The following GATAD2A variants were observed in gnomAD, a reference collection of about 807,000 sequenced individuals.
GATAD2A encodes transcriptional repressor p66-alpha.
A neutral mutation model predicts 68.5 loss-of-function variants in GATAD2A; 12 were observed. The ratio of observed to expected loss-of-function variants is 0.18; its 90% CI spans 0.11 to 0.28. GATAD2A has a LOEUF of 0.28. Among genes scored for constraint, GATAD2A ranks in the 10% least tolerant of loss-of-function variants. GATAD2A has a pLI of 1.00. For synonymous variants in GATAD2A, 410 were observed against 375.3 expected (o/e 1.09, Z -1.07); for missense variants, 755 against 868.5 (o/e 0.87, Z 1.64).
chr19:19,448,093 C>T (rs1232461470), intron 1 of GATAD2A, among the ~76,000 whole-genome samples: 1 of 152,216 alleles, frequency 6.6e-6, no homozygotes, highest in Non-Finnish European at 1.5e-5. Flanking sequence ...TCGTAGGCCA[C>T]GTAGGCTCAC....
intron 1 of GATAD2A, among the ~76,000 whole-genome samples, chr19:19,414,530 CTTTTTTTTTTTT>C (rs758728889): frequency 3.7e-4 from 26 of 70,216 alleles, no homozygotes; most frequent in Middle Eastern, 0.012. Context: ...AGGGCCTTGT[CTTTTTTTTTTTT>C]TTTTTTTTTT....
At chr19:19,498,195 A>T (rs2060276088) in intron 7 of GATAD2A, among the ~76,000 whole-genome samples, 1 of 152,242 alleles carries the variant, frequency 6.6e-6, no homozygotes, top group Admixed American at 6.5e-5. Context: ...TGTGCGGTTT[A>T]TCTGGTAAAC....
intron 1 of GATAD2A, among the ~76,000 whole-genome samples, chr19:19,424,152 G>A (rs561972992): frequency 4.6e-5 from 7 of 152,164 alleles, no homozygotes; most frequent in Middle Eastern, 3.4e-3. Context: ...TTAAACTCTT[G>A]GGCTCAAGTG....
In GATAD2A at chr19:19,506,281, C is replaced by G. The variant is rs2060863725; in HGVS notation, c.*807C>G. On this transcript the variant is annotated 3_prime_UTR_variant, in exon 12 of 12. Transcript: ENST00000683918. ...TGAAGAACAGACCCAGCCAGAGAAG[C>G]AGGGATTCCAGAAGCTGCCCATTAA... The G allele has an allele frequency of 2.5e-6, 1 of 398,080 alleles. No homozygotes were observed. The highest frequency in any genetic ancestry group is 3.6e-5 in the East Asian group (1 of 28,074). 24.7% of individuals were successfully genotyped at this position (398,080 alleles called of 1,614,324 possible).
intron 1 of GATAD2A, among the ~76,000 whole-genome samples, chr19:19,409,927 T>C (rs922425744): frequency 3.3e-5 from 5 of 152,158 alleles, no homozygotes; most frequent in African/African-American, 1.2e-4. Context: ...TGTAGGTTAG[T>C]CTTTTAGAAG....
At chr19:19,503,895 T>C (rs2060708873) in intron 11 of GATAD2A, among the ~76,000 whole-genome samples, 2 of 152,248 alleles carry the variant, frequency 1.3e-5, no homozygotes, top group South Asian at 4.1e-4. Context: ...TTCCACAAAA[T>C]GTATTAGCCA....
chr19:19,483,543 G>C (rs139112656), intron 2 of GATAD2A, among the ~76,000 whole-genome samples: 1 of 152,142 alleles, frequency 6.6e-6, no homozygotes. Context: ...TGCGGCTGGC[G>C]AGAAGCAGGT....
chr19:19,489,392 T>G (rs1197033728), intron 2 of GATAD2A, among the ~76,000 whole-genome samples: 1 of 152,302 alleles, frequency 6.6e-6, no homozygotes, highest in Admixed American at 6.5e-5. Flanking sequence ...GGTTTTCACG[T>G]TGGAAGGCAC....
intron 1 of GATAD2A, among the ~76,000 whole-genome samples, chr19:19,429,084 G>A (rs904087828): frequency 4.6e-5 from 7 of 151,552 alleles, no homozygotes; most frequent in Non-Finnish European, 1.0e-4. Flanking sequence ...ACAACTCGTG[G>A]AGGTCCCCAT....
chr19:19,410,908 T>C (rs1345532922), intron 1 of GATAD2A, among the ~76,000 whole-genome samples: 1 of 152,216 alleles, frequency 6.6e-6, no homozygotes, highest in Non-Finnish European at 1.5e-5. Context: ...GGGAGTGAGA[T>C]AACAAGTGCA....
At chr19:19,483,740 G>T (rs1487868117) in intron 2 of GATAD2A, among the ~76,000 whole-genome samples, 1 of 151,284 alleles carries the variant, frequency 6.6e-6, no homozygotes, top group South Asian at 2.1e-4. Context: ...TCAGCCTCCC[G>T]AGTAGCTGGG....
intron 1 of GATAD2A, among the ~76,000 whole-genome samples, chr19:19,460,480 C>T (rs1374379778): frequency 6.6e-6 from 1 of 152,212 alleles, no homozygotes; most frequent in East Asian, 1.9e-4. Context: ...ATGGGCCCTT[C>T]TTCCTTCCTG....
At position 19,477,494 on chromosome 19, in the gene GATAD2A, C is replaced by T. The variant is rs368541167; in HGVS notation, c.269+11880C>T. 2.1e-4 allele frequency among the ~76,000 whole-genome samples: 32 copies of T among 152,072 alleles called. No homozygotes were observed. The East Asian group carries it at 4.8e-3, about 23-fold the overall frequency. On this transcript the variant is annotated intron_variant, in intron 2 of 11. Transcript: ENST00000683918. ...CCAGGAGACTTGGCGTGTCTGCAGG[C>T]GGTGTGGGAAGAGTGGTCTGAGGGC...
chr19:19,478,833 A>T (rs577296240), intron 2 of GATAD2A, among the ~76,000 whole-genome samples: 28 of 151,954 alleles, frequency 1.8e-4, no homozygotes, highest in Non-Finnish European at 2.9e-4. Context: ...ACAAAAAAAA[A>T]CCTATTATTA....
At chr19:19,430,105 G>A (rs891069458) in intron 1 of GATAD2A, among the ~76,000 whole-genome samples, 1 of 152,170 alleles carries the variant, frequency 6.6e-6, no homozygotes, top group Non-Finnish European at 1.5e-5. Flanking sequence ...TGTTGTTAAA[G>A]GTGGAAACAG....
chr19:19,470,980 G>A (rs1337300520), intron 2 of GATAD2A, among the ~76,000 whole-genome samples: 1 of 152,192 alleles, frequency 6.6e-6, no homozygotes, highest in East Asian at 1.9e-4. Flanking sequence ...GCAGGGCCAG[G>A]CACAGTGGCT....
intron 1 of GATAD2A, chr19:19,436,151 A>C: frequency 1.5e-6 from 2 of 1,366,152 alleles, no homozygotes; most frequent in Non-Finnish European, 2.0e-6. Context: ...ACATTGTCTC[A>C]AGTAGCCTTT....
At chr19:19,484,970 C>CCG (rs1453588846) in intron 2 of GATAD2A, among the ~76,000 whole-genome samples, 3 of 152,328 alleles carry the variant, frequency 2.0e-5, no homozygotes, top group Non-Finnish European at 4.4e-5. Context: ...CTGCAGACTG[C>CCG]CTCCTCCTTT....
intron 1 of GATAD2A, among the ~76,000 whole-genome samples, chr19:19,395,869 A>G (rs1314427268): frequency 6.6e-6 from 1 of 152,166 alleles, no homozygotes; most frequent in African/African-American, 2.4e-5. Context: ...CTGGCATGTG[A>G]CCTTAGAAAA....
Sources: allele counts gnomAD v4.1 joint callset (sites outside exome capture counted in the v4.1 genomes callset), GRCh38; gene constraint gnomAD v4.1.1; transcripts MANE v1.5; gene names NCBI Gene and HGNC (gene_info 2026-07-23, HGNC 2026-07-21).